The following RNF135 variants were observed in gnomAD, a reference collection of about 807,000 sequenced individuals.
The protein encoded by RNF135 is ring finger protein 135, also known as E3 ubiquitin-protein ligase RNF135.
A neutral mutation model predicts 41.9 loss-of-function variants in RNF135; 46 were observed. That is an observed-to-expected ratio of 1.10 (90% CI 0.87 to 1.40). The LOEUF (loss-of-function observed/expected upper bound fraction) is 1.40, where lower values mean the gene tolerates loss of function less well. RNF135 is among the 40% of genes most tolerant of loss of function. The pLI is 0.00. For synonymous variants in RNF135, 238 were observed against 223.8 expected (o/e 1.06, Z -0.57); for missense variants, 539 against 549.8 (o/e 0.98, Z 0.20).
At chr17:30,973,531 G>A (rs1906180224) in intron 1 of RNF135, among the ~76,000 whole-genome samples, 1 of 151,168 alleles carries the variant, frequency 6.6e-6, no homozygotes, top group African/African-American at 2.4e-5. Flanking sequence ...GCAGTGACAC[G>A]ATCTCAGCTC....
At chr17:30,997,402 C>A in intron 4 of RNF135, 71 bp downstream of exon 4, 1 of 1,265,378 alleles carries the variant, frequency 7.9e-7, no homozygotes, top group Admixed American at 1.7e-5. Flanking sequence ...ATCCTACATC[C>A]ATCTCCCTAC....
At position 30,971,361 on chromosome 17, in the gene RNF135, C is replaced by A; in HGVS notation, c.288C>A (p.Ser96=). 6.5e-7 allele frequency: 1 copy of A among 1,529,542 alleles called. No individual in the cohort carries two copies. The allele number at this position is 1,529,542 out of a possible 1,614,324, so 94.7% of individuals were successfully genotyped here. ...CCGCACGCGAGATACAGGCGGGCTC[C>A]GACCCTGCCCACTGCCCCTGCCCGG... The part of the protein sequence containing the change: ...RRAAREIQAG[S]DPAHCPCPGS... The change falls in exon 1 of 5, where the codon TCC becomes TCA. Residue 96 remains serine, a synonymous_variant. Transcript: ENST00000328381.
At chr17:30,962,534 C>T in the RNF135 span, among the ~76,000 whole-genome samples, 5 of 151,932 alleles carry the variant, frequency 3.3e-5, no homozygotes, top group Admixed American at 2.0e-4. Flanking sequence ...GGCACGATCT[C>T]GGCTCACTGC....
chr17:30,986,995 C>T (rs1255556870), intron 2 of RNF135, among the ~76,000 whole-genome samples: 3 of 152,014 alleles, frequency 2.0e-5, no homozygotes, highest in Non-Finnish European at 4.4e-5. Flanking sequence ...AAGTGTAATA[C>T]TACCGTATTT....
In RNF135 at chr17:30,971,045, G is replaced by C. The variant is rs1003108275; in HGVS notation, c.-29G>C. ...GAGGAGACTCGCCCGGCTCAACCCC[G>C]ACGTCCGCGCCCCGGCCGCCTGTTG... On this transcript the variant is annotated 5_prime_UTR_variant, in exon 1 of 5. Transcript: ENST00000328381. 1 of 1,533,108 alleles carries C rather than the reference G, an allele frequency of 6.5e-7. No homozygotes were observed. Among genetic ancestry groups the C allele is most frequent in the Non-Finnish European group, 8.7e-7 (1 of 1,145,784 alleles). The allele number at this position is 1,533,108 out of a possible 1,614,324, so 95.0% of individuals were successfully genotyped here.
chr17:30,975,878 C>T, intron 1 of RNF135: 1 of 685,348 alleles, frequency 1.5e-6, no homozygotes, highest in Non-Finnish European at 2.6e-6. Flanking sequence ...TGGCTTCTAC[C>T]CCATTTTGGA....
At chr17:30,971,604 G>T in intron 1 of RNF135, 159 bp downstream of exon 1, 1 of 1,352,668 alleles carries the variant, frequency 7.4e-7, no homozygotes, top group South Asian at 1.8e-5. Flanking sequence ...ACTTTGGAAA[G>T]TTCATAAAAG....
chr17:30,983,351 A>ATTT (rs1907343009), intron 1 of RNF135, among the ~76,000 whole-genome samples: 2 of 42,040 alleles, frequency 4.8e-5, no homozygotes, highest in Non-Finnish European at 8.9e-5. Flanking sequence ...ATATATATAT[A>ATTT]TATTTTTTTT....
chr17:30,982,901 A>C (rs560605711), intron 1 of RNF135, among the ~76,000 whole-genome samples: 1 of 152,164 alleles, frequency 6.6e-6, no homozygotes, highest in Admixed American at 6.6e-5. Flanking sequence ...GAATTCTAGG[A>C]GGACATTAAA....
At chr17:30,971,581 G>A in intron 1 of RNF135, 136 bp downstream of exon 1, 1 of 1,359,190 alleles carries the variant, frequency 7.4e-7, no homozygotes, top group Non-Finnish European at 9.4e-7. Context: ...GTCGAGTTCC[G>A]CTCTTCGGAG....
At chr17:30,987,353 T>C (rs1054072376) in intron 2 of RNF135, among the ~76,000 whole-genome samples, 6 of 152,068 alleles carry the variant, frequency 3.9e-5, no homozygotes, top group Admixed American at 6.6e-5. Flanking sequence ...TGCCTCAGCC[T>C]CCCATGTAGT....
intron 1 of RNF135, chr17:30,978,598 A>ATTTTTTTTTTTTTTTTTT (rs1242905447): frequency 7.1e-6 from 1 of 141,046 alleles, no homozygotes; most frequent in African/African-American, 3.1e-5. Flanking sequence ...TCTTTTTTTT[A>ATTTTTTTTTTTTTTTTTT]TTTATTTTTT....
Position 30,998,858 on chromosome 17 carries a change from C to T in RNF135, c.966C>T (p.Cys322=), listed in dbSNP as rs1323305596. 1 of 1,612,790 alleles carries T rather than the reference C, an allele frequency of 6.2e-7. No individual in the cohort carries two copies. The highest frequency in any genetic ancestry group is 1.3e-5 in the African/African-American group (1 of 74,982). The change falls in exon 5 of 5, where the codon TGC becomes TGT. Residue 322 remains cysteine, a synonymous_variant. Coordinates refer to ENST00000328381, the MANE Select transcript of RNF135 (RefSeq NM_032322.4). ...ACTGGGAAGTGGACACTAGGAATTG[C>T]AGCCACTGGGCAGTTGGGGTGGCTT... is the stretch of plus-strand genomic sequence containing the variant. ...KHYWEVDTRN[C]SHWAVGVASW...
chr17:30,982,206 T>G (rs1907200499), intron 1 of RNF135, among the ~76,000 whole-genome samples: 1 of 152,216 alleles, frequency 6.6e-6, no homozygotes, highest in Admixed American at 6.5e-5. Context: ...GTTGCAGTCC[T>G]TGTGGCCTAG....
intron 1 of RNF135, among the ~76,000 whole-genome samples, chr17:30,979,382 C>T (rs1906784955): frequency 7.6e-6 from 1 of 131,736 alleles, no homozygotes; most frequent in Non-Finnish European, 1.7e-5. Context: ...CCCCACCTCC[C>T]TCCCGGACGG....
chr17:30,964,550 G>T, the RNF135 span, among the ~76,000 whole-genome samples: 1 of 152,060 alleles, frequency 6.6e-6, no homozygotes, highest in Non-Finnish European at 1.5e-5. Flanking sequence ...TTTGCAGTGA[G>T]GCAAGATTGC....
the RNF135 span, among the ~76,000 whole-genome samples, chr17:30,960,974 C>T: frequency 7.9e-5 from 12 of 152,078 alleles, no homozygotes; most frequent in African/African-American, 2.2e-4. Flanking sequence ...CTCCCAACCT[C>T]GTGATCCACC....
At chr17:30,985,326 G>A (rs905990444) in intron 2 of RNF135, among the ~76,000 whole-genome samples, 28 of 152,136 alleles carry the variant, frequency 1.8e-4, no homozygotes, top group African/African-American at 6.0e-4. Flanking sequence ...AGCCTTCTCT[G>A]AGCACTAGGC....
chr17:30,976,643 G>A (rs902371073), intron 1 of RNF135, among the ~76,000 whole-genome samples: 3 of 152,116 alleles, frequency 2.0e-5, no homozygotes, highest in African/African-American at 7.2e-5. Context: ...TAGTGTTGGT[G>A]CATATATATT....
Sources: gnomAD v4.1 joint callset for allele counts (sites outside exome capture counted in the v4.1 genomes callset) on GRCh38, gnomAD v4.1.1 for gene constraint, MANE v1.5 for transcripts, NCBI Gene and HGNC (gene_info 2026-07-23, HGNC 2026-07-21) for gene names.